The following ANKS1A variants were observed in gnomAD, a reference collection of about 807,000 sequenced individuals.
ANKS1A encodes ankyrin repeat and sterile alpha motif domain containing 1A, also known as ankyrin repeat and SAM domain-containing protein 1A.
In ANKS1A, 55 loss-of-function variants were observed where a neutral mutation model predicts 120.3. The observed-to-expected ratio is 0.46, with a 90% CI of 0.37 to 0.57. The LOEUF (loss-of-function observed/expected upper bound fraction) is 0.57, where lower values mean the gene tolerates loss of function less well. ANKS1A is among the 20% of genes least tolerant of loss of function. The pLI is 0.00. For missense variants in ANKS1A, 1,123 were observed against 1,480.3 expected (o/e 0.76, Z 3.96); for synonymous variants, 590 against 604.7 (o/e 0.98, Z 0.36).
chr6:35,026,883 A>G (rs561743263), intron 11 of ANKS1A, among the ~76,000 whole-genome samples: 2 of 151,938 alleles, frequency 1.3e-5, no homozygotes, highest in East Asian at 1.9e-4. Context: ...TGTTGGGTGC[A>G]TGCTTTTAAA....
intron 10 of ANKS1A, among the ~76,000 whole-genome samples, chr6:35,000,461 TA>T (rs34756440): frequency 0.67 from 97,531 of 146,648 alleles, 34,167 homozygotes; most frequent in Non-Finnish European, 0.8. Flanking sequence ...AAAGTTCACT[TA>T]AAAAAAAAAA....
chr6:35,021,495 A>G (rs986287711), intron 11 of ANKS1A, among the ~76,000 whole-genome samples: 3 of 152,200 alleles, frequency 2.0e-5, no homozygotes, highest in Admixed American at 6.5e-5. Context: ...GCTCACTGTT[A>G]TTATTCTTAT....
chr6:34,987,709 G>C (rs1434137336), intron 8 of ANKS1A, among the ~76,000 whole-genome samples: 1 of 152,254 alleles, frequency 6.6e-6, no homozygotes, highest in African/African-American at 2.4e-5. Context: ...CCTGTTTTAA[G>C]AGAGAGATTA....
At chr6:34,900,349 G>C (rs970289637) in intron 1 of ANKS1A, among the ~76,000 whole-genome samples, 4 of 152,066 alleles carry the variant, frequency 2.6e-5, no homozygotes, top group Admixed American at 6.6e-5. Flanking sequence ...ATTAATTAGG[G>C]ATTTATTTAA....
chr6:35,084,174 G>A lies in ANKS1A; in HGVS notation c.3048G>A (p.Pro1016=), dbSNP rs761214723. 54 of 1,614,054 alleles carry A rather than the reference G, an allele frequency of 3.3e-5. No individual in the cohort carries two copies. The highest frequency in any genetic ancestry group is 3.1e-4 in the South Asian group (28 of 91,084). ...ACATTTCCTGTGCGGCCCAGGACCC[G>A]GAGGACCTCTGTACCTTTGCCTACA... ...IRNISCAAQD[P]EDLCTFAYIT... Residue 1016 remains proline, a synonymous_variant, in exon 21 of 24, where the codon CCG becomes CCA. Transcript: ENST00000360359. This position sits in a 1 kb window ranked among gnomAD's most constrained non-coding sequence, Gnocchi z 4.8.
chr6:35,018,765 A>T (rs902360075), intron 11 of ANKS1A, among the ~76,000 whole-genome samples: 5 of 152,076 alleles, frequency 3.3e-5, no homozygotes, highest in African/African-American at 1.2e-4. Context: ...TGTTTAAGGG[A>T]GAACATGCTG....
intron 11 of ANKS1A, among the ~76,000 whole-genome samples, chr6:35,031,624 G>T (rs999154749): frequency 6.6e-6 from 1 of 152,052 alleles, no homozygotes; most frequent in African/African-American, 2.4e-5. Flanking sequence ...ATCCTCAGCG[G>T]CCACCACCTC....
At chr6:35,095,366 A>G (rs1008679818), downstream of ANKS1A, among the ~76,000 whole-genome samples, 1 of 151,922 alleles carries the variant, frequency 6.6e-6, no homozygotes, top group Non-Finnish European at 1.5e-5. Context: ...TGAGGCCAAG[A>G]GTTCGAGACC....
intron 11 of ANKS1A, among the ~76,000 whole-genome samples, chr6:35,019,722 A>T (rs749038191): frequency 5.3e-5 from 8 of 152,200 alleles, no homozygotes; most frequent in Non-Finnish European, 8.8e-5. Flanking sequence ...AGTCAGCTAT[A>T]GGAAAACTTC....
intron 1 of ANKS1A, among the ~76,000 whole-genome samples, chr6:34,923,608 A>G (rs976259488): frequency 8.5e-5 from 13 of 152,342 alleles, no homozygotes; most frequent in African/African-American, 3.1e-4. Flanking sequence ...AGAGGCTTAG[A>G]GTTTAAACAA....
intron 1 of ANKS1A, among the ~76,000 whole-genome samples, chr6:34,891,947 T>C (rs1043156164): frequency 1.3e-5 from 2 of 152,200 alleles, no homozygotes; most frequent in Non-Finnish European, 2.9e-5. Context: ...TTATTCTTAG[T>C]GCGCTCACTC....
chr6:34,913,065 C>T (rs1030341065), intron 1 of ANKS1A, among the ~76,000 whole-genome samples: 1 of 152,148 alleles, frequency 6.6e-6, no homozygotes, highest in Non-Finnish European at 1.5e-5. Flanking sequence ...GTGTTAGGCC[C>T]TGTGTTAGGA....
At chr6:35,037,662 C>T (rs916970756) in intron 11 of ANKS1A, among the ~76,000 whole-genome samples, 3 of 152,142 alleles carry the variant, frequency 2.0e-5, no homozygotes, top group Non-Finnish European at 1.5e-5. Context: ...AGGGGCAGGA[C>T]GTTAATTCCC....
chr6:34,910,860 CAAA>C (rs10715320), intron 1 of ANKS1A, among the ~76,000 whole-genome samples: 1 of 80,308 alleles, frequency 1.2e-5, no homozygotes, highest in Non-Finnish European at 2.9e-5. Context: ...AACTCCATCT[CAAA>C]AAAAAAAAAA....
At chr6:34,902,646 A>T (rs951254200) in intron 1 of ANKS1A, among the ~76,000 whole-genome samples, 1 of 150,350 alleles carries the variant, frequency 6.7e-6, no homozygotes, top group African/African-American at 2.4e-5. Context: ...TGTCTTTTTA[A>T]AAGATGTCTT....
At chr6:35,015,838 C>A (rs997507980) in intron 10 of ANKS1A, among the ~76,000 whole-genome samples, 1 of 152,308 alleles carries the variant, frequency 6.6e-6, no homozygotes, top group Admixed American at 6.5e-5. Flanking sequence ...TGTTTTAGTA[C>A]ATTGTGTTTA....
chr6:35,061,558 C>T (rs1239918538), intron 13 of ANKS1A, among the ~76,000 whole-genome samples: 1 of 152,196 alleles, frequency 6.6e-6, no homozygotes, highest in East Asian at 1.9e-4. Flanking sequence ...GGGAGCTGGC[C>T]TGAGGCTTCC....
intron 11 of ANKS1A, among the ~76,000 whole-genome samples, chr6:35,051,128 A>G (rs890104051): frequency 6.6e-6 from 1 of 152,138 alleles, no homozygotes; most frequent in Admixed American, 6.6e-5. Context: ...CAGGAGTTCA[A>G]GGTTTCAGTG....
At chr6:35,045,592 T>C (rs1283083126) in intron 11 of ANKS1A, among the ~76,000 whole-genome samples, 1 of 152,234 alleles carries the variant, frequency 6.6e-6, no homozygotes, top group Admixed American at 6.5e-5. Context: ...TGAGCTTTCA[T>C]AGAGTGAAAG....
Sources: allele counts gnomAD v4.1 joint callset (sites outside exome capture counted in the v4.1 genomes callset), GRCh38; gene constraint gnomAD v4.1.1; non-coding constraint Gnocchi (gnomAD v3.1); transcripts MANE v1.5; gene names NCBI Gene and HGNC (gene_info 2026-07-23, HGNC 2026-07-21).